The following KHDRBS2 variants were observed in gnomAD, a reference collection of about 807,000 sequenced individuals.
KHDRBS2 encodes KH RNA binding domain containing, signal transduction associated 2.
A neutral mutation model predicts 44.3 loss-of-function variants in KHDRBS2; 26 were observed. The observed-to-expected ratio is 0.59, with a 90% CI of 0.43 to 0.81. The LOEUF (loss-of-function observed/expected upper bound fraction) is 0.81, where lower values mean the gene tolerates loss of function less well. Among genes scored for constraint, KHDRBS2 ranks in the 40% least tolerant of loss-of-function variants. The probability of loss-of-function intolerance (pLI) is 0.00; values close to 1 mark genes in which losing one functional copy is unlikely to be tolerated. For synonymous variants in KHDRBS2, 194 were observed against 151.1 expected (o/e 1.28, Z -2.08); for missense variants, 476 against 433.1 (o/e 1.10, Z -0.88).
intron 1 of KHDRBS2, among the ~76,000 whole-genome samples, chr6:62,259,476 C>A (rs1175401806): frequency 6.6e-6 from 1 of 151,572 alleles, no homozygotes; most frequent in Admixed American, 6.6e-5. Flanking sequence ...TTTATAATTT[C>A]ATTATTCATT....
chr6:61,826,394 G>C (rs1428854670), intron 6 of KHDRBS2, among the ~76,000 whole-genome samples: 1 of 152,068 alleles, frequency 6.6e-6, no homozygotes, highest in African/African-American at 2.4e-5. Context: ...GCTCTCTTCT[G>C]ATGGGCCAAG....
At chr6:61,819,922 A>G (rs1789612701) in intron 6 of KHDRBS2, among the ~76,000 whole-genome samples, 8 of 152,064 alleles carry the variant, frequency 5.3e-5, no homozygotes, top group Admixed American at 5.3e-4. Context: ...ATAATGAACA[A>G]AAGTGAAGTT....
chr6:62,031,073 G>T (rs546497689), intron 3 of KHDRBS2, among the ~76,000 whole-genome samples: 71 of 152,212 alleles, frequency 4.7e-4, no homozygotes, highest in African/African-American at 1.7e-3. Flanking sequence ...CTAGAAAAAG[G>T]ATAGAAGATA....
chr6:61,653,543 G>A, the KHDRBS2 span, among the ~76,000 whole-genome samples: 2 of 151,962 alleles, frequency 1.3e-5, no homozygotes, highest in African/African-American at 4.8e-5. Context: ...GAAGTTAGTG[G>A]ACACTAGGAA....
intron 4 of KHDRBS2, among the ~76,000 whole-genome samples, chr6:61,935,627 G>C (rs552052082): frequency 6.0e-4 from 91 of 152,254 alleles, no homozygotes; most frequent in Non-Finnish European, 1.1e-3. Context: ...ATTCCCCTGA[G>C]TGACATTGCT....
intron 3 of KHDRBS2, among the ~76,000 whole-genome samples, chr6:62,018,397 G>C (rs1434792070): frequency 6.6e-6 from 1 of 151,462 alleles, no homozygotes; most frequent in Non-Finnish European, 1.5e-5. Context: ...ATCAAAACCA[G>C]GCCGGAGTGT....
intron 6 of KHDRBS2, among the ~76,000 whole-genome samples, chr6:61,821,789 A>AT (rs149243333): frequency 0.16 from 23,596 of 149,986 alleles, 2,434 homozygotes; most frequent in South Asian, 0.28. Context: ...CATTGTTAAG[A>AT]TTTTTTTTTC....
At chr6:62,025,430 A>G (rs769745740) in intron 3 of KHDRBS2, among the ~76,000 whole-genome samples, 3 of 151,796 alleles carry the variant, frequency 2.0e-5, no homozygotes, top group Non-Finnish European at 4.4e-5. Context: ...TTAAATTAGA[A>G]TATACACTAT....
At chr6:61,793,859 T>C (rs1784960119) in intron 6 of KHDRBS2, among the ~76,000 whole-genome samples, 1 of 152,022 alleles carries the variant, frequency 6.6e-6, no homozygotes, top group Admixed American at 6.6e-5. Flanking sequence ...AAGATGATAA[T>C]CGTCAACAAA....
chr6:61,556,553 C>A, the KHDRBS2 span, among the ~76,000 whole-genome samples: 1 of 152,110 alleles, frequency 6.6e-6, no homozygotes, highest in Non-Finnish European at 1.5e-5. Context: ...ACCCAAGTCT[C>A]AAAAACCATA....
chr6:61,694,223 C>T (rs1767662160), intron 8 of KHDRBS2, among the ~76,000 whole-genome samples: 1 of 152,094 alleles, frequency 6.6e-6, no homozygotes, highest in African/African-American at 2.4e-5. Flanking sequence ...ACTACAACAT[C>T]TCTAAGATTG....
At chr6:62,246,001 T>C (rs184322434) in intron 1 of KHDRBS2, among the ~76,000 whole-genome samples, 73 of 151,534 alleles carry the variant, frequency 4.8e-4, no homozygotes, top group Non-Finnish European at 7.7e-4. Context: ...CAGCAGGAAC[T>C]GCAAACCTTG....
At chr6:62,239,192 T>C (rs1486842701) in intron 1 of KHDRBS2, among the ~76,000 whole-genome samples, 2 of 152,210 alleles carry the variant, frequency 1.3e-5, no homozygotes, top group African/African-American at 4.8e-5. Context: ...CAGGAATACA[T>C]ACTGAAATGC....
intron 1 of KHDRBS2, among the ~76,000 whole-genome samples, chr6:62,243,874 G>T (rs1168993948): frequency 2.6e-5 from 4 of 152,114 alleles, no homozygotes; most frequent in African/African-American, 9.7e-5. Flanking sequence ...CTAAATGGTG[G>T]CTGTGAATCT....
chr6:61,916,821 T>C (rs1421390360), intron 4 of KHDRBS2, among the ~76,000 whole-genome samples: 4 of 151,874 alleles, frequency 2.6e-5, no homozygotes, highest in African/African-American at 7.3e-5. Flanking sequence ...AGTAAGTGTA[T>C]GAAAAGATGC....
the KHDRBS2 span, among the ~76,000 whole-genome samples, chr6:61,605,082 C>T: frequency 3.9e-5 from 6 of 152,172 alleles, no homozygotes; most frequent in Admixed American, 3.9e-4. Context: ...TTAAAAAGGA[C>T]TGGACAATAC....
intron 4 of KHDRBS2, among the ~76,000 whole-genome samples, chr6:61,914,425 T>C (rs1251885648): frequency 2.0e-5 from 3 of 148,296 alleles, no homozygotes; most frequent in African/African-American, 5.0e-5. Context: ...AACCAAACAC[T>C]GCATGTTCTC....
chr6:62,259,661 CT>C (rs1838009866), intron 1 of KHDRBS2, among the ~76,000 whole-genome samples: 1 of 151,808 alleles, frequency 6.6e-6, no homozygotes, highest in South Asian at 2.1e-4. Context: ...AAATCTTGCT[CT>C]GATCACCTGA....
chr6:61,638,596 G>A, the KHDRBS2 span, among the ~76,000 whole-genome samples: 5 of 151,970 alleles, frequency 3.3e-5, no homozygotes, highest in Admixed American at 3.3e-4. Context: ...CATAGGCATG[G>A]GCAAGGACTT....
Sources: gnomAD v4.1 joint callset for allele counts (sites outside exome capture counted in the v4.1 genomes callset) on GRCh38, gnomAD v4.1.1 for gene constraint, MANE v1.5 for transcripts, NCBI Gene and HGNC (gene_info 2026-07-23, HGNC 2026-07-21) for gene names.